MAPK6: variants seen among roughly 807,000 people sequenced by gnomAD.
MAPK6 encodes the protein ERK-3.
MAPK6 carries 19 observed loss-of-function variants against 59.3 expected under a neutral mutation model. The ratio of observed to expected loss-of-function variants is 0.32; its 90% confidence interval spans 0.22 to 0.47. MAPK6 has a LOEUF of 0.47. Ranked by LOEUF, MAPK6 falls within the 20% of genes least tolerant of loss-of-function variation. The pLI, the probability that MAPK6 is intolerant of heterozygous loss-of-function variation, is 1.00. For synonymous variants in MAPK6, 316 were observed against 290.3 expected, an observed-to-expected ratio of 1.09 and a Z score of -0.90; for missense variants, 724 against 847.9, an observed-to-expected ratio of 0.85 and a Z score of 1.81.
At chr15:52,015,209 C>A (rs1368251639), upstream of MAPK6, among the ~76,000 whole-genome samples, 2 of 152,078 alleles carry the variant, frequency 1.3e-5, no homozygotes, top group Non-Finnish European at 2.9e-5. Flanking sequence ...CCATGTTGGT[C>A]AGGCTGGTCT....
chr15:51,973,181 T>C (rs773384948), intron 1 of MAPK6, among the ~76,000 whole-genome samples: 12 of 151,944 alleles, frequency 7.9e-5, no homozygotes, highest in Non-Finnish European at 1.6e-4. Context: ...TGGGACTGGG[T>C]ATGTAATCAT....
intron 3 of MAPK6, among the ~76,000 whole-genome samples, chr15:52,054,025 C>T (rs906121520): frequency 6.6e-6 from 1 of 152,082 alleles, no homozygotes; most frequent in South Asian, 2.1e-4. Flanking sequence ...AATTGCCTGA[C>T]CCAAGGTCAT....
intron 1 of MAPK6, among the ~76,000 whole-genome samples, chr15:52,030,610 G>C (rs1297887269): frequency 4.5e-5 from 5 of 111,618 alleles, no homozygotes; most frequent in African/African-American, 1.1e-4. Flanking sequence ...GCAGAAGAAG[G>C]CTTTTTTTTT....
At chr15:52,025,923 A>G (rs1566903294) in intron 1 of MAPK6, among the ~76,000 whole-genome samples, 3 of 152,216 alleles carry the variant, frequency 2.0e-5, no homozygotes, top group African/African-American at 4.8e-5. Context: ...TCCTTTCTTA[A>G]TGTACAAATT....
At chr15:52,051,206 C>T (rs565745751) in intron 3 of MAPK6, among the ~76,000 whole-genome samples, 6 of 152,160 alleles carry the variant, frequency 3.9e-5, no homozygotes, top group African/African-American at 9.6e-5. Flanking sequence ...TACAGGCGCC[C>T]GCCCCGTCGC....
intron 5 of MAPK6, among the ~76,000 whole-genome samples, chr15:52,062,491 G>T (rs1352534697): frequency 2.0e-5 from 3 of 152,118 alleles, no homozygotes; most frequent in African/African-American, 7.2e-5. Flanking sequence ...TTGGCTGGGC[G>T]CGGTGGCTCA....
At chr15:52,041,589 T>A (rs951696682) in intron 1 of MAPK6, among the ~76,000 whole-genome samples, 2 of 152,228 alleles carry the variant, frequency 1.3e-5, no homozygotes, top group Non-Finnish European at 2.9e-5. Context: ...AGTGACCATC[T>A]GCTGGTCCAA....
At chr15:52,026,065 G>C (rs1555397520) in intron 1 of MAPK6, among the ~76,000 whole-genome samples, 1 of 152,162 alleles carries the variant, frequency 6.6e-6, no homozygotes, top group Non-Finnish European at 1.5e-5. Context: ...TTGTAAGCAA[G>C]TCAGTTTCTT....
intron 2 of MAPK6, among the ~76,000 whole-genome samples, chr15:51,991,176 CACACAT>C (rs879878576): frequency 9.2e-4 from 137 of 149,138 alleles, no homozygotes; most frequent in African/African-American, 3.2e-3. Flanking sequence ...CACACACACA[CACACAT>C]ATATATATGT....
intron 3 of MAPK6, among the ~76,000 whole-genome samples, chr15:52,009,877 A>G (rs996099909): frequency 1.3e-5 from 2 of 151,646 alleles, no homozygotes; most frequent in Non-Finnish European, 2.9e-5. Flanking sequence ...GGTTCAAGTG[A>G]TTCTCCTGCT....
intron 3 of MAPK6, among the ~76,000 whole-genome samples, chr15:52,008,680 C>T (rs985931911): frequency 1.3e-5 from 2 of 152,184 alleles, no homozygotes; most frequent in Admixed American, 1.3e-4. Flanking sequence ...GAGCATTAAA[C>T]CAAGCATGGG....
At chr15:51,973,505 C>T (rs1369126418) in intron 1 of MAPK6, among the ~76,000 whole-genome samples, 1 of 151,870 alleles carries the variant, frequency 6.6e-6, no homozygotes, top group East Asian at 1.9e-4. Context: ...CAGTGCCTGG[C>T]TAAATCTTAA....
At chr15:52,048,094 C>G (rs2031651050) in intron 2 of MAPK6, among the ~76,000 whole-genome samples, 1 of 152,136 alleles carries the variant, frequency 6.6e-6, no homozygotes, top group African/African-American at 2.4e-5. Context: ...TTCCACAGTA[C>G]ATGCCTAAGA....
chr15:52,013,108 T>C (rs1278217082), intron 3 of MAPK6, among the ~76,000 whole-genome samples: 6 of 142,692 alleles, frequency 4.2e-5, no homozygotes, highest in Non-Finnish European at 7.6e-5. Context: ...TCTAGAGAAC[T>C]CTCTCAAGAT....
At chr15:51,998,872 A>G (rs2057234083) in intron 2 of MAPK6, among the ~76,000 whole-genome samples, 1 of 147,462 alleles carries the variant, frequency 6.8e-6, no homozygotes, top group South Asian at 2.2e-4. Flanking sequence ...TTGTATTTTT[A>G]GTAGAGACGG....
At chr15:51,989,290 G>C (rs1450757008) in intron 2 of MAPK6, among the ~76,000 whole-genome samples, 1 of 151,816 alleles carries the variant, frequency 6.6e-6, no homozygotes, top group East Asian at 1.9e-4. Flanking sequence ...TGTTAGCCAG[G>C]CTGGTCTTGA....
intron 3 of MAPK6, among the ~76,000 whole-genome samples, chr15:52,055,568 T>G (rs902109435): frequency 6.6e-6 from 1 of 152,198 alleles, no homozygotes; most frequent in Non-Finnish European, 1.5e-5. Context: ...TAGGCTGGAG[T>G]GCAGTTGCAT....
chr15:52,031,810 G>A (rs2031045096), intron 1 of MAPK6, among the ~76,000 whole-genome samples: 1 of 152,106 alleles, frequency 6.6e-6, no homozygotes, highest in Non-Finnish European at 1.5e-5. Context: ...TTCAGCTTGG[G>A]CAAGCGAGAT....
intron 1 of MAPK6, chr15:52,035,623 TA>T (rs766482064): frequency 4.8e-3 from 604 of 126,652 alleles, no homozygotes; most frequent in African/African-American, 5.1e-3. Flanking sequence ...GACACCATCT[TA>T]AAAAAAAAAA....
Sources: gnomAD v4.1 joint callset for allele counts (sites outside exome capture counted in the v4.1 genomes callset) on GRCh38, gnomAD v4.1.1 for gene constraint, MANE v1.5 for transcripts, NCBI Gene and HGNC (gene_info 2026-07-23, HGNC 2026-07-21) for gene names.